EPPK1: variants seen among roughly 807,000 people sequenced by gnomAD.
The protein encoded by EPPK1 is epiplakin 1, also known as epiplakin.
For synonymous variants in EPPK1, 1,862 were observed against 1,721.2 expected, an observed-to-expected ratio of 1.08 and a Z score of -2.03; for missense variants, 3,823 against 3,673.3, an observed-to-expected ratio of 1.04 and a Z score of -1.05.
rs112136718 is a variant in EPPK1 at position 143,868,137 on chromosome 8, C to T, written c.5117G>A (p.Arg1706His). The T allele has an allele frequency of 5.2e-3, 8,405 of 1,613,218 alleles. 397 individuals are homozygous for T. In the African/African-American group the frequency reaches 0.098, roughly 19 times the overall value. Reference protein sequence around the residue: ...SHRVPVDVAYRCGYFDEEMNR... With the variant: ...SHRVPVDVAYHCGYFDEEMNR... ...CATCTCCTCGTCGAAGTAGCCGCAG[C>T]GGTAGGCCACGTCCACGGGCACGCG... The change falls in exon 2 of 2, where the codon CGC (arginine) becomes CAC (histidine). Residue 1706 changes from arginine to histidine, a missense_variant. Coordinates refer to ENST00000615648, the MANE Select transcript of EPPK1 (RefSeq NM_031308.4).
Position 143,867,246 on chromosome 8 carries a change from G to A in EPPK1, c.6008C>T (p.Ala2003Val), listed in dbSNP as rs781865685. ...CACCTGCACCTCCAGCAGCCTCAGTGCCTCCGCCTTCTCGATGAGCTGCTT... is the reference window on the plus strand; with the variant it reads ...CACCTGCACCTCCAGCAGCCTCAGTACCTCCGCCTTCTCGATGAGCTGCTT... ...MQKQLIEKAE[A>V]LRLLEVQVAT... Residue 2003 changes from alanine (A) to valine (V), a missense_variant, in exon 2 of 2, where the codon GCA becomes GTA. Coordinates refer to ENST00000615648, the MANE Select transcript of EPPK1 (RefSeq NM_031308.4). 10 of 1,612,706 alleles carry A rather than the reference G, an allele frequency of 6.2e-6. No individual in the cohort carries two copies. The East Asian group carries it at 6.7e-5, about 11-fold the overall frequency.
chr8:143,867,880 G>C lies in EPPK1; in HGVS notation c.5374C>G (p.Gln1792Glu). The stretch of plus-strand genomic sequence containing the variant: ...AGCAGGTCCCAGAAAGAGACCACCT[G>C]GTCAGCAAACCTCCCCACGCGCATT... ...AKMRVGRFADQVVSFWDLLSS... is the reference protein window; with the variant it reads ...AKMRVGRFADEVVSFWDLLSS... The change falls in exon 2 of 2, where the codon CAG becomes GAG. Residue 1792 changes from glutamine to glutamate, a missense_variant. By Grantham distance (29) the Gln-to-Glu change is conservative. Transcript: ENST00000615648. 6.2e-7 allele frequency: 1 copy of C among 1,613,268 alleles called. No individual in the cohort carries two copies. Among genetic ancestry groups the C allele is most frequent in the Non-Finnish European group, 8.5e-7 (1 of 1,179,654 alleles).
At chr8:143,875,772 A>C (rs1554662237) in intron 1 of EPPK1, among the ~76,000 whole-genome samples, 1 of 152,246 alleles carries the variant, frequency 6.6e-6, no homozygotes, top group Admixed American at 6.5e-5. Context: ...GGATGTAGGA[A>C]TCACTTCCTG....
Position 143,868,850 on chromosome 8 carries a change from T to C in EPPK1, c.4404A>G (p.Ser1468=), listed in dbSNP as rs782440303. 4 of 1,608,456 alleles carry C rather than the reference T, an allele frequency of 2.5e-6. No individual in the cohort carries two copies. Among genetic ancestry groups the C allele is most frequent in the Admixed American group, 1.7e-5 (1 of 59,942 alleles). ...STGRFKGCSV[S]LWDLLLSEYV... Reference sequence around the variant, plus strand: ...ATTCGGAGAGCAGCAGGTCCCAGAGTGACACGCTACACCCCTTAAACCTCC... The same window carrying C: ...ATTCGGAGAGCAGCAGGTCCCAGAGCGACACGCTACACCCCTTAAACCTCC... Residue 1468 remains serine (S), a synonymous_variant, in exon 2 of 2, where the codon TCA becomes TCG. Coordinates refer to ENST00000615648, the MANE Select transcript of EPPK1 (RefSeq NM_031308.4).
At chr8:143,874,597 G>A (rs1819445350) in intron 1 of EPPK1, among the ~76,000 whole-genome samples, 1 of 152,134 alleles carries the variant, frequency 6.6e-6, no homozygotes, top group African/African-American at 2.4e-5. Context: ...GAGGAAGTGC[G>A]GCCCTGCCCA....
chr8:143,878,112 G>C (rs1819516173), intron 1 of EPPK1, among the ~76,000 whole-genome samples: 1 of 151,938 alleles, frequency 6.6e-6, no homozygotes, highest in African/African-American at 2.4e-5. Flanking sequence ...CTGGGCCTGC[G>C]AGACCCCCGC....
Position 143,872,824 on chromosome 8 carries a change from T to C in EPPK1, c.430A>G (p.Arg144Gly). 6.4e-7 allele frequency: 1 copy of C among 1,560,630 alleles called. No homozygotes were observed. The highest frequency in any genetic ancestry group is 2.3e-5 in the East Asian group (1 of 44,208). ...TCCAGCCAGCTCTGCCCCAGGGCCC[T>C]GTCCACAACCTCCTTCCCGATGGCC... is the stretch of plus-strand genomic sequence containing the variant. Reference protein sequence around the residue: ...FQAIGKEVVDRALGQSWLEVQ... With the variant: ...FQAIGKEVVDGALGQSWLEVQ... The change falls in exon 2 of 2, where the codon AGG (arginine) becomes GGG (glycine). Residue 144 changes from arginine to glycine, a missense_variant. Coordinates refer to ENST00000615648, the MANE Select transcript of EPPK1 (RefSeq NM_031308.4).
chr8:143,870,043 G>A lies in EPPK1; in HGVS notation c.3211C>T (p.Gln1071Ter), dbSNP rs1208685814. ...CTGGACAAGGCTGTCTCCATCTCCT[G>A]GTCAACATAGCCACGCTGAATGGCC... ...PVAIQRGYVDQEMETALSSSS... is the reference protein window; with the variant it reads ...PVAIQRGYVD Residue 1071 changes from glutamine to a stop codon, truncating the protein, a stop_gained, in exon 2 of 2, where the codon CAG becomes TAG. Coordinates refer to ENST00000615648, the MANE Select transcript of EPPK1 (RefSeq NM_031308.4). LOFTEE classifies it low-confidence loss of function (END_TRUNC). The surrounding 1 kb of genome is among the most constrained non-coding windows in gnomAD (Gnocchi z 5.2). 14 of 1,610,866 alleles carry A rather than the reference G, an allele frequency of 8.7e-6. No homozygotes were observed. The highest frequency in any genetic ancestry group is 1.1e-5 in the Non-Finnish European group (13 of 1,179,074).
rs540029263 is a variant in EPPK1 at position 143,868,381 on chromosome 8, C to T, written c.4873G>A (p.Val1625Met). Residue 1625 changes from valine (V) to methionine (M), a missense_variant, in exon 2 of 2, where the codon GTG becomes ATG. Transcript: ENST00000615648. ...IDPVENRKLT[V>M]EEAFKAGMFG... ...ATTCCTGCTTTGAACGCCTCCTCCA[C>T]GGTCAGCTTCCGGTTCTCCACGGGG... is the stretch of plus-strand genomic sequence containing the variant. The T allele has an allele frequency of 2.3e-5, 37 of 1,612,786 alleles. No individual in the cohort carries two copies. The highest frequency in any genetic ancestry group is 8.3e-5 in the Admixed American group (5 of 60,026).
In EPPK1 at chr8:143,871,643, G is replaced by A. The variant is rs550921737; in HGVS notation, c.1611C>T (p.Ser537=). 17 of 1,603,236 alleles carry A rather than the reference G, an allele frequency of 1.1e-5. No individual in the cohort carries two copies. The highest frequency in any genetic ancestry group is 7.8e-5 in the South Asian group (7 of 89,678). ...LAQQYQEGTL[S]VEKLAAKLSA... is the part of the protein sequence containing the mutation. ...TCAGCTTAGCGGCCAGCTTCTCCAC[G>A]GAGAGGGTCCCTTCCTGGTACTGCT... Residue 537 remains serine (S), a synonymous_variant, in exon 2 of 2, where the codon TCC becomes TCT. Transcript: ENST00000615648.
chr8:143,866,831 C>CCTCACCAGCTGGAGCTTCTT lies in EPPK1; in HGVS notation c.6403_6422dup (p.Met2142ArgfsTer6). On this transcript the variant is annotated stop_gained and frameshift_variant, in exon 2 of 2. Transcript: ENST00000615648. LOFTEE classifies it low-confidence loss of function (END_TRUNC). ...CCCGTCTGGTGTGTGTTCTATACAT[C>CCTCACCAGCTGGAGCTTCTT]CTCACCAGCTGGAGCTTCTTCTCCT... is the stretch of plus-strand genomic sequence containing the variant. 6.2e-7 allele frequency: 1 copy of CCTCACCAGCTGGAGCTTCTT among 1,613,408 alleles called. No homozygotes were observed. Among genetic ancestry groups the CCTCACCAGCTGGAGCTTCTT allele is most frequent in the South Asian group, 1.1e-5 (1 of 91,088 alleles).
chr8:143,878,580 A>C (rs1819538739), upstream of EPPK1: 1 of 150,486 alleles, frequency 6.6e-6, no homozygotes, highest in African/African-American at 2.4e-5. Flanking sequence ...AGGTGCCGGA[A>C]ACCCCGCGCG....
rs782432206 is a variant in EPPK1 at position 143,870,936 on chromosome 8, T to A, written c.2318A>T (p.His773Leu). ...DTKGFFDPNT[H>L]ENLTYLQLLE... ...AAGCTGCAGGTACGTGAGGTTCTCG[T>A]GCGTGTTGGGGTCGAAGAAGCCCTT... The change falls in exon 2 of 2, where the codon CAC (histidine) becomes CTC (leucine). Residue 773 changes from histidine (H) to leucine (L), a missense_variant. Coordinates refer to ENST00000615648, the MANE Select transcript of EPPK1 (RefSeq NM_031308.4). This position sits in a 1 kb window ranked among gnomAD's most constrained non-coding sequence, Gnocchi z 5.2. 1 of 1,613,392 alleles carries A rather than the reference T, an allele frequency of 6.2e-7. No homozygotes were observed. Among genetic ancestry groups the A allele is most frequent in the South Asian group, 1.1e-5 (1 of 91,074 alleles).
rs782120480 is a variant in EPPK1, at chr8:143,866,747, G to T, written c.6507C>A (p.Asn2169Lys). The change falls in exon 2 of 2, where the codon AAC becomes AAA. Residue 2169 changes from asparagine to lysine, a missense_variant. Transcript: ENST00000615648. ...LELIEKQETS[N>K]KHLWFQGIRR... Reference sequence around the variant, plus strand: ...TAATTCCTTGGAACCACAGGTGTTTGTTGCTGGTTTCCTGCTTCTCGATCA... The same window carrying T: ...TAATTCCTTGGAACCACAGGTGTTTTTTGCTGGTTTCCTGCTTCTCGATCA... The T allele has an allele frequency of 3.1e-6, 5 of 1,613,400 alleles. No homozygotes were observed. Among genetic ancestry groups the T allele is most frequent in the East Asian group, 4.5e-5 (2 of 44,894 alleles).
In EPPK1 at chr8:143,868,265, G is replaced by A. The variant is rs781823043; in HGVS notation, c.4989C>T (p.Leu1663=). 23 of 1,613,134 alleles carry A rather than the reference G, an allele frequency of 1.4e-5. No homozygotes were observed. The highest frequency in any genetic ancestry group is 1.8e-5 in the Non-Finnish European group (21 of 1,180,042). The change falls in exon 2 of 2, where the codon CTC becomes CTT. Residue 1663 remains leucine, a synonymous_variant. Transcript: ENST00000615648. ...TDPYTGQQIS[L]FQAMQKDLIV... ...TGAGGTCCTTCTGCATGGCCTGGAAGAGGGAGATCTGCTGCCCGGTATAGG... is the reference window on the plus strand; with the variant it reads ...TGAGGTCCTTCTGCATGGCCTGGAAAAGGGAGATCTGCTGCCCGGTATAGG...
At position 143,871,815 on chromosome 8, in the gene EPPK1, G is replaced by T. The variant is rs782098326; in HGVS notation, c.1439C>A (p.Pro480His). The T allele has an allele frequency of 1.2e-6, 2 of 1,612,318 alleles. No homozygotes were observed. Among genetic ancestry groups the T allele is most frequent in the South Asian group, 2.2e-5 (2 of 91,054 alleles). ...GGPRGGEPQG[P>H]PFIKYSTRQA... ...CCGAGTGCTGTACTTGATGAATGGG[G>T]GTCCCTGGGGCTCCCCTCCCCGGGG... The change falls in exon 2 of 2, where the codon CCC becomes CAC. Residue 480 changes from proline to histidine, a missense_variant. Transcript: ENST00000615648.
Position 143,872,944 on chromosome 8 carries a change from C to T in EPPK1, c.310G>A (p.Val104Met), listed in dbSNP as rs781788668. Reference sequence around the variant, plus strand: ...AGCTTCTCCTTCAGCTCCAGCCCCACCAGACCCTGCTGCAGGGCCTTGGAC... The same window carrying T: ...AGCTTCTCCTTCAGCTCCAGCCCCATCAGACCCTGCTGCAGGGCCTTGGAC... ...PVSKALQQGL[V>M]GLELKEKLLA... Residue 104 changes from valine (V) to methionine (M), a missense_variant, in exon 2 of 2, where the codon GTG (valine) becomes ATG (methionine). Val to Met is a conservative substitution (Grantham distance 21). Transcript: ENST00000615648. 2 of 1,609,704 alleles carry T rather than the reference C, an allele frequency of 1.2e-6. No individual in the cohort carries two copies. Among genetic ancestry groups the T allele is most frequent in the Non-Finnish European group, 8.5e-7 (1 of 1,177,874 alleles).
In EPPK1 at chr8:143,870,888, G is replaced by T; in HGVS notation, c.2366C>A (p.Pro789His). The change falls in exon 2 of 2, where the codon CCC (proline) becomes CAC (histidine). Residue 789 changes from proline to histidine, a missense_variant. Coordinates refer to ENST00000615648, the MANE Select transcript of EPPK1 (RefSeq NM_031308.4). The surrounding 1 kb of genome is among the most constrained non-coding windows in gnomAD (Gnocchi z 5.2). ...LQLLERCVRDPETGLYLLPLS... is the reference protein window; with the variant it reads ...LQLLERCVRDHETGLYLLPLS... ...TGGCAGGAGGTACAGGCCCGTCTCG[G>T]GGTCACGCACACAGCGCTCCAGAAG... 1 of 1,613,204 alleles carries T rather than the reference G, an allele frequency of 6.2e-7. No individual in the cohort carries two copies. The highest frequency in any genetic ancestry group is 1.1e-5 in the South Asian group (1 of 91,084).
chr8:143,857,982 C>T lies in EPPK1; in HGVS notation c.*5G>A, dbSNP rs781859735. The T allele has an allele frequency of 1.3e-6, 2 of 1,573,728 alleles. No individual in the cohort carries two copies. Among genetic ancestry groups the T allele is most frequent in the Admixed American group, 1.8e-5 (1 of 55,176 alleles). On this transcript the variant is annotated 3_prime_UTR_variant, in exon 2 of 2. Transcript: ENST00000615648. Reference sequence around the variant, plus strand: ...GTTGCAGAAAACTGCACGGAGGAAGCCCAGTCACTGTAGAGAGAGAGAAAG... The same window carrying T: ...GTTGCAGAAAACTGCACGGAGGAAGTCCAGTCACTGTAGAGAGAGAGAAAG...
Sources: allele counts gnomAD v4.1 joint callset (sites outside exome capture counted in the v4.1 genomes callset), GRCh38; gene constraint gnomAD v4.1.1; non-coding constraint Gnocchi (gnomAD v3.1); transcripts MANE v1.5; gene names NCBI Gene and HGNC (gene_info 2026-07-23, HGNC 2026-07-21).